Variants in TBXAS1 observed in about 807,000 individuals in gnomAD.
The protein encoded by TBXAS1 is thromboxane-A synthase.
In TBXAS1, 48 loss-of-function variants were observed where a neutral mutation model predicts 60.7. That is an observed-to-expected ratio of 0.79 (90% confidence interval 0.63 to 1.01). The LOEUF is 1.01. Ranked by LOEUF, TBXAS1 falls within the 50% of genes least tolerant of loss-of-function variation. The pLI is 0.00. For missense variants in TBXAS1, 685 were observed against 686.3 expected, an observed-to-expected ratio of 1.00 and a Z score of 0.02; for synonymous variants, 287 against 269.7, an observed-to-expected ratio of 1.06 and a Z score of -0.63.
rs1258620205 is a variant in TBXAS1 at position 139,951,838 on chromosome 7, AGAAAGAAG to A, written c.451-1526_451-1519del. 1.5e-3 allele frequency among the ~76,000 whole-genome samples: 41 copies of A among 26,894 alleles called. 3 individuals carry two copies. Among genetic ancestry groups the A allele is most frequent in the Admixed American group, 0.011 (30 of 2,730 alleles). The allele number at this position is 26,894 out of a possible 152,430, so 17.6% of individuals were successfully genotyped here. A position where few individuals can be genotyped will look rare whatever the true frequency, so the allele number is the denominator to read the frequency against. On this transcript the variant is annotated intron_variant, in intron 5 of 12. Transcript: ENST00000448866. ...GAAGAAGGAAAGAAAGAGGAAAGAAAGAAAGAAGGAAGGAAGGAAGGAAAGAAGGAAGG... is the reference window on the plus strand; with the variant it reads ...GAAGAAGGAAAGAAAGAGGAAAGAAAGAAGGAAGGAAGGAAAGAAGGAAGG...
intron 4 of TBXAS1, among the ~76,000 whole-genome samples, chr7:139,800,042 A>T (rs1354451645): frequency 6.6e-6 from 1 of 152,120 alleles, no homozygotes; most frequent in Non-Finnish European, 1.5e-5. Flanking sequence ...GGCAAGTCCC[A>T]CAGACTGGAT....
chr7:139,837,349 G>C (rs1235070742), intron 1 of TBXAS1, among the ~76,000 whole-genome samples: 1 of 152,176 alleles, frequency 6.6e-6, no homozygotes, highest in Non-Finnish European at 1.5e-5. Flanking sequence ...ATTTGAAAAA[G>C]ATACTTGAAT....
intron 2 of TBXAS1, among the ~76,000 whole-genome samples, chr7:139,874,879 G>A (rs1015476279): frequency 6.6e-6 from 1 of 152,220 alleles, no homozygotes; most frequent in Non-Finnish European, 1.5e-5. Flanking sequence ...CAGATGACCT[G>A]AGGTCAGGAG....
rs372484693 is a variant in TBXAS1, at chr7:139,914,829, T to C, written c.333+3508T>C. Among the ~76,000 whole-genome samples the C allele has an allele frequency of 4.6e-5, 7 of 152,330 alleles. No individual in the cohort carries two copies. In the East Asian group the frequency reaches 1.3e-3, roughly 29 times the overall value. Reference sequence around the variant, plus strand: ...TTCACTCTAGCTTGATTATTAGCTCTTTAAGGCCAAGAACTGTATCTTGTA... The same window carrying C: ...TTCACTCTAGCTTGATTATTAGCTCCTTAAGGCCAAGAACTGTATCTTGTA... On this transcript the variant is annotated intron_variant, in intron 4 of 12. Coordinates refer to ENST00000448866, the MANE Select transcript of TBXAS1 (RefSeq NM_001061.7).
At chr7:139,892,428 T>TA (rs1409054781) in intron 3 of TBXAS1, among the ~76,000 whole-genome samples, 3 of 151,882 alleles carry the variant, frequency 2.0e-5, no homozygotes, top group Admixed American at 6.6e-5. Context: ...CCGTCTGTAC[T>TA]AAAAAAATAC....
chr7:139,805,399 C>A (rs1585531083), intron 4 of TBXAS1, among the ~76,000 whole-genome samples: 1 of 152,244 alleles, frequency 6.6e-6, no homozygotes, highest in African/African-American at 2.4e-5. Flanking sequence ...TGCTCCTGGG[C>A]CTGGGGCTCC....
At position 139,962,122 on chromosome 7, in the gene TBXAS1, T is replaced by A; in HGVS notation, c.1023T>A (p.Ala341=). 1 of 1,614,244 alleles carries A rather than the reference T, an allele frequency of 6.2e-7. No homozygotes were observed. Among genetic ancestry groups the A allele is most frequent in the Non-Finnish European group, 8.5e-7 (1 of 1,180,050 alleles). The change falls in exon 9 of 13, where the codon GCT becomes GCA. Residue 341 remains alanine, a synonymous_variant. Transcript: ENST00000448866. Reference sequence around the variant, plus strand: ...GCCAGGCCTTCATCTTCCTCATCGCTGGCTATGAAATCATCACCAACACAC... The same window carrying A: ...GCCAGGCCTTCATCTTCCTCATCGCAGGCTATGAAATCATCACCAACACAC... ...IVGQAFIFLI[A]GYEIITNTLS...
intron 5 of TBXAS1, among the ~76,000 whole-genome samples, chr7:139,941,326 T>C (rs972969200): frequency 2.0e-5 from 3 of 152,354 alleles, no homozygotes; most frequent in East Asian, 3.9e-4. Flanking sequence ...TTGGATGGCG[T>C]TGTCTTCGTT....
intron 4 of TBXAS1, among the ~76,000 whole-genome samples, chr7:139,920,795 T>C (rs1244178926): frequency 1.3e-5 from 2 of 152,198 alleles, no homozygotes; most frequent in Non-Finnish European, 2.9e-5. Context: ...CACATCACAG[T>C]AGGACACTCC....
Position 139,852,646 on chromosome 7 carries a change from AT to A in TBXAS1, c.90-19582del, listed in dbSNP as rs986176361. Among the ~76,000 whole-genome samples the A allele has an allele frequency of 2.6e-5, 4 of 152,050 alleles. No homozygotes were observed. Among genetic ancestry groups the A allele is most frequent in the African/African-American group, 4.8e-5 (2 of 41,400 alleles). On this transcript the variant is annotated intron_variant, in intron 1 of 12. Transcript: ENST00000448866. This position sits in a 1 kb window ranked among gnomAD's most constrained non-coding sequence, Gnocchi z 4.4. ...AACATGATGCAAGGGGATTATAAATATTTTTTTGAAACTCTTAACAATATTC... is the reference window on the plus strand; with the variant it reads ...AACATGATGCAAGGGGATTATAAATATTTTTTGAAACTCTTAACAATATTC...
intron 10 of TBXAS1, among the ~76,000 whole-genome samples, chr7:140,012,324 T>C (rs1056473174): frequency 5.3e-5 from 8 of 152,126 alleles, no homozygotes; most frequent in Non-Finnish European, 5.9e-5. Flanking sequence ...TCGAACCCTA[T>C]AGTCACAAAA....
intron 1 of TBXAS1, among the ~76,000 whole-genome samples, chr7:139,859,033 GC>G (rs1415407821): frequency 6.6e-6 from 1 of 151,456 alleles, no homozygotes; most frequent in African/African-American, 2.4e-5. Flanking sequence ...AATTAACCAT[GC>G]CCGGTTAATT....
intron 4 of TBXAS1, among the ~76,000 whole-genome samples, chr7:139,800,226 A>G (rs1324777848): frequency 6.6e-6 from 1 of 152,182 alleles, no homozygotes; most frequent in African/African-American, 2.4e-5. Context: ...ATCAGGTTGT[A>G]TCATGCCTCC....
intron 9 of TBXAS1, among the ~76,000 whole-genome samples, chr7:139,988,097 G>T (rs1424450359): frequency 6.6e-6 from 1 of 152,258 alleles, no homozygotes; most frequent in Admixed American, 6.5e-5. Flanking sequence ...GGACGCCAGG[G>T]GACAGGGTCA....
At chr7:139,843,287 A>C (rs1323038111) in intron 1 of TBXAS1, among the ~76,000 whole-genome samples, 1 of 151,936 alleles carries the variant, frequency 6.6e-6, no homozygotes, top group East Asian at 1.9e-4. Flanking sequence ...CTTGCTTCCT[A>C]TCTCTCTGGC....
intron 3 of TBXAS1, among the ~76,000 whole-genome samples, chr7:139,785,404 C>G (rs1291203573): frequency 6.6e-6 from 1 of 152,134 alleles, no homozygotes; most frequent in Non-Finnish European, 1.5e-5. Context: ...TTCTGGTAAA[C>G]AATAACCACC....
chr7:140,017,602 C>A, intron 11 of TBXAS1, 69 bp from the exon 12 acceptor site: 1 of 1,592,242 alleles, frequency 6.3e-7, no homozygotes, highest in South Asian at 1.1e-5. Context: ...GGTGGCTCAG[C>A]TGGAGCACAG....
chr7:139,906,215 C>A (rs2117025370), intron 3 of TBXAS1: 2 of 198,966 alleles, frequency 1.0e-5, no homozygotes, highest in South Asian at 1.2e-4. Context: ...GCCACCATGC[C>A]CAGATAGTTA....
intron 9 of TBXAS1, among the ~76,000 whole-genome samples, chr7:139,988,749 G>T (rs1434492644): frequency 6.6e-6 from 1 of 152,122 alleles, no homozygotes; most frequent in African/African-American, 2.4e-5. Flanking sequence ...GTCTGCCCCA[G>T]TGGTCCCACC....
Sources: allele counts gnomAD v4.1 joint callset (sites outside exome capture counted in the v4.1 genomes callset), GRCh38; gene constraint gnomAD v4.1.1; non-coding constraint Gnocchi (gnomAD v3.1); transcripts MANE v1.5; gene names NCBI Gene and HGNC (gene_info 2026-07-23, HGNC 2026-07-21).